Variants in HDAC9 observed in about 807,000 individuals in gnomAD.
HDAC9 encodes histone deacetylase 9.
In HDAC9, 41 loss-of-function variants were observed where a neutral mutation model predicts 139.4. The observed-to-expected ratio is 0.29, with a 90% confidence interval of 0.23 to 0.38. HDAC9 has a LOEUF of 0.38. Among genes scored for constraint, HDAC9 ranks in the 10% least tolerant of loss-of-function variants. The pLI is 1.00. For synonymous variants in HDAC9, 517 were observed against 476.2 expected (o/e 1.09, Z -1.12); for missense variants, 1,147 against 1,297.0 (o/e 0.88, Z 1.78).
In HDAC9 at chr7:18,794,040, C is replaced by T. The variant is rs2520337; in HGVS notation, c.2322+588C>T. Among the ~76,000 whole-genome samples, 1,165 of 152,290 alleles carry T rather than the reference C, an allele frequency of 7.6e-3. 18 individuals carry two copies. Among genetic ancestry groups the T allele is most frequent in the African/African-American group, 0.027 (1,116 of 41,558 alleles). ...TATGAAAAGAACAATGTCCAAACCC[C>T]AGCGTTTCCCAGTCTAAACAATTTA... On this transcript the variant is annotated intron_variant, in intron 17 of 25. Transcript: ENST00000686413.
At chr7:18,838,055 T>A (rs892248908) in intron 21 of HDAC9, among the ~76,000 whole-genome samples, 1 of 152,098 alleles carries the variant, frequency 6.6e-6, no homozygotes, top group Non-Finnish European at 1.5e-5. Context: ...CCAGATTTAA[T>A]TCATAAGACT....
rs934140037 is a variant in HDAC9, at chr7:18,244,533, T to C, written c.25+82184T>C. 1.3e-5 allele frequency among the ~76,000 whole-genome samples: 2 copies of C among 152,198 alleles called. 1 individual carries two copies. Among genetic ancestry groups the C allele is most frequent in the South Asian group, 4.1e-4 (2 of 4,832 alleles). On this transcript the variant is annotated intron_variant, in intron 2 of 12. Transcript: ENST00000417496. ...AGATGTTGCGGCTAGGCGTGCTGGC[T>C]CATGCCTATAATCCCAGCACTTTGG...
chr7:18,518,546 A>G (rs1266617711), intron 2 of HDAC9, among the ~76,000 whole-genome samples: 1 of 152,218 alleles, frequency 6.6e-6, no homozygotes, highest in East Asian at 1.9e-4. Context: ...GGAGTTTACT[A>G]GATTTAGACT....
At chr7:18,105,795 T>TTTA (rs1233515728) in intron 1 of HDAC9, among the ~76,000 whole-genome samples, 4 of 152,138 alleles carry the variant, frequency 2.6e-5, no homozygotes, top group Non-Finnish European at 5.9e-5. Context: ...TTCATGTCCA[T>TTTA]TTATAATAGC....
intron 1 of HDAC9, among the ~76,000 whole-genome samples, chr7:18,093,329 C>A (rs2128060872): frequency 6.6e-6 from 1 of 152,252 alleles, no homozygotes; most frequent in Non-Finnish European, 1.5e-5. Context: ...TAGTACACAT[C>A]CCATACTCAC....
chr7:18,766,063 C>T (rs914264920), intron 15 of HDAC9, among the ~76,000 whole-genome samples: 6 of 152,118 alleles, frequency 3.9e-5, no homozygotes, highest in Admixed American at 2.6e-4. Flanking sequence ...CTTTTACTGA[C>T]GTGGTGTATG....
At chr7:18,605,217 T>C (rs1402276396) in intron 6 of HDAC9, among the ~76,000 whole-genome samples, 3 of 152,182 alleles carry the variant, frequency 2.0e-5, no homozygotes, top group African/African-American at 7.2e-5. Context: ...AATTCACTGT[T>C]ATAATACAGA....
At chr7:18,153,301 G>C (rs1468640747) in intron 1 of HDAC9, among the ~76,000 whole-genome samples, 1 of 152,110 alleles carries the variant, frequency 6.6e-6, no homozygotes, top group South Asian at 2.1e-4. Flanking sequence ...ACTCCACGGG[G>C]TGGGAGTGGC....
chr7:18,327,490 A>C (rs1800550699), intron 1 of HDAC9: 1 of 151,900 alleles, frequency 6.6e-6, no homozygotes, highest in African/African-American at 2.4e-5. Flanking sequence ...GAAAAGCCAA[A>C]ACATGGAATA....
intron 2 of HDAC9, among the ~76,000 whole-genome samples, chr7:18,171,301 C>A (rs1228402354): frequency 1.3e-5 from 2 of 152,096 alleles, no homozygotes; most frequent in African/African-American, 4.8e-5. Context: ...ATTTTGTATC[C>A]TGAGACTTTG....
intron 6 of HDAC9, among the ~76,000 whole-genome samples, chr7:18,608,219 A>AT (rs1399929063): frequency 1.3e-5 from 2 of 152,102 alleles, no homozygotes; most frequent in Admixed American, 1.3e-4. Context: ...TTTTCCTTAA[A>AT]TTTTCAGCCT....
In HDAC9 at chr7:18,952,774, T is replaced by G. The variant is rs1221793647; in HGVS notation, c.2938-1372T>G. 2.0e-5 allele frequency among the ~76,000 whole-genome samples: 3 copies of G among 151,602 alleles called. No individual in the cohort carries two copies. The East Asian group carries it at 5.8e-4, about 29-fold the overall frequency. Reference sequence around the variant, plus strand: ...AAATGATTTTAACAAGTTTTAAGAGTTTATTTCAGAACCTTGTACTGCCAC... The same window carrying G: ...AAATGATTTTAACAAGTTTTAAGAGGTTATTTCAGAACCTTGTACTGCCAC... On this transcript the variant is annotated intron_variant, in intron 23 of 25. Coordinates refer to ENST00000686413, the MANE Select transcript of HDAC9 (RefSeq NM_178425.4).
chr7:18,829,501 T>C lies in HDAC9; in HGVS notation c.2419T>C (p.Tyr807His). The C allele has an allele frequency of 6.2e-7, 1 of 1,612,872 alleles. No individual in the cohort carries two copies. Among genetic ancestry groups the C allele is most frequent in the South Asian group, 1.1e-5 (1 of 91,034 alleles). Reference protein sequence around the residue: ...FFNSVAITAKYLRDQLNISKI... With the variant: ...FFNSVAITAKHLRDQLNISKI... ...TAATTCAGTTGCAATTACCGCCAAA[T>C]ACTTGAGAGACCAACTAAATATAAG... The change falls in exon 19 of 26, where the codon TAC becomes CAC. Residue 807 changes from tyrosine to histidine, a missense_variant. This residue lies in a region of HDAC9 where 407 missense variants were observed against 521.5 expected (regional missense o/e 0.78). Coordinates refer to ENST00000686413, the MANE Select transcript of HDAC9 (RefSeq NM_178425.4).
chr7:18,218,299 C>T (rs1792452259), intron 2 of HDAC9, among the ~76,000 whole-genome samples: 1 of 151,938 alleles, frequency 6.6e-6, no homozygotes, highest in Non-Finnish European at 1.5e-5. Context: ...CAAAAATTAG[C>T]CAGGCATGGT....
At chr7:18,182,294 G>C (rs1302023407) in intron 2 of HDAC9, among the ~76,000 whole-genome samples, 1 of 152,166 alleles carries the variant, frequency 6.6e-6, no homozygotes, top group African/African-American at 2.4e-5. Context: ...TAAAAATTTA[G>C]AAACATGATT....
chr7:18,915,455 C>G (rs1355946320), intron 22 of HDAC9, among the ~76,000 whole-genome samples: 1 of 151,558 alleles, frequency 6.6e-6, no homozygotes, highest in Non-Finnish European at 1.5e-5. Context: ...TAGAATGCCT[C>G]ACTTTGGAGA....
At chr7:18,099,590 A>G (rs561601693) in intron 1 of HDAC9, among the ~76,000 whole-genome samples, 3 of 152,368 alleles carry the variant, frequency 2.0e-5, no homozygotes, top group African/African-American at 7.2e-5. Context: ...GTGAGAACAA[A>G]CATCATATAT....
At chr7:18,371,990 G>A (rs1339615053) in intron 1 of HDAC9, among the ~76,000 whole-genome samples, 1 of 152,112 alleles carries the variant, frequency 6.6e-6, no homozygotes, top group Non-Finnish European at 1.5e-5. Context: ...GGGACCCTTT[G>A]GATTAAAATT....
intron 1 of HDAC9, chr7:18,325,740 G>T (rs750847905): frequency 1.3e-5 from 2 of 152,078 alleles, no homozygotes; most frequent in African/African-American, 4.8e-5. Flanking sequence ...GTACAGTCAT[G>T]TGATAGACCA....
Sources: gnomAD v4.1 joint callset for allele counts (sites outside exome capture counted in the v4.1 genomes callset) on GRCh38, gnomAD v4.1.1 for gene constraint, gnomAD v4.1.1 regional missense constraint, MANE v1.5 for transcripts, NCBI Gene and HGNC (gene_info 2026-07-23, HGNC 2026-07-21) for gene names.